CMTM4: variants seen among roughly 807,000 people sequenced by gnomAD.
The protein encoded by CMTM4 is CKLF like MARVEL transmembrane domain containing 4.
CMTM4 carries 8 observed loss-of-function variants against 19.0 expected under a neutral mutation model. The ratio of observed to expected loss-of-function variants is 0.42; its 90% CI spans 0.25 to 0.76. CMTM4 has a LOEUF of 0.76. Among genes scored for constraint, CMTM4 ranks in the 30% least tolerant of loss-of-function variants. CMTM4 has a pLI of 0.27. For missense variants in CMTM4, 228 were observed against 290.2 expected, an observed-to-expected ratio of 0.79 and a Z score of 1.56; for synonymous variants, 106 against 121.1, an observed-to-expected ratio of 0.88 and a Z score of 0.82.
intron 1 of CMTM4, among the ~76,000 whole-genome samples, chr16:66,663,253 T>C (rs1276746181): frequency 6.6e-6 from 1 of 151,846 alleles, no homozygotes; most frequent in Non-Finnish European, 1.5e-5. Flanking sequence ...ACCAGGAAAA[T>C]CTCAATTCAT....
intron 2 of CMTM4, among the ~76,000 whole-genome samples, chr16:66,630,484 G>A (rs565803197): frequency 4.0e-5 from 6 of 151,748 alleles, no homozygotes; most frequent in African/African-American, 7.3e-5. Flanking sequence ...GATTGCAGGC[G>A]CGCGCCGCCA....
At chr16:66,694,011 G>C (rs1423571474) in intron 1 of CMTM4, among the ~76,000 whole-genome samples, 2 of 151,938 alleles carry the variant, frequency 1.3e-5, no homozygotes, top group East Asian at 3.9e-4. Flanking sequence ...AACAGAGTTA[G>C]ACCCAGTGTT....
intron 1 of CMTM4, among the ~76,000 whole-genome samples, chr16:66,686,058 T>G (rs1167856457): frequency 2.0e-5 from 3 of 151,624 alleles, no homozygotes; most frequent in Non-Finnish European, 4.4e-5. Context: ...ATCAAGACCA[T>G]CCCGGCCAAC....
chr16:66,618,328 C>G lies in CMTM4; in HGVS notation c.*3730G>C. 3.0e-6 allele frequency: 3 copies of G among 985,406 alleles called. No individual in the cohort carries two copies. Among genetic ancestry groups the G allele is most frequent in the Non-Finnish European group, 3.6e-6 (3 of 829,928 alleles). 61.0% of individuals were successfully genotyped at this position (985,406 alleles called of 1,614,324 possible). ...AGAAGATGACAGTCAGGCAGTGGCA[C>G]AAAGACTTCATGACTGTTTTGTTTT... On this transcript the variant is annotated 3_prime_UTR_variant, in exon 4 of 4. Transcript: ENST00000394106.
intron 1 of CMTM4, among the ~76,000 whole-genome samples, chr16:66,666,729 A>G (rs764899406): frequency 6.6e-5 from 10 of 152,228 alleles, no homozygotes; most frequent in Non-Finnish European, 1.5e-4. Flanking sequence ...GAATGTTACA[A>G]TGGCAGTCAT....
In CMTM4 at chr16:66,659,357, AGAGT is replaced by A. The variant is rs2016460068; in HGVS notation, c.187-22780_187-22777del. ...GCCACTGCACTCCAGCCTGGGCGAC[AGAGT>A]GAGACTCTGCCTCAAAAAAAAAAAA... On this transcript the variant is annotated intron_variant, in intron 1 of 3. Coordinates refer to ENST00000394106, the MANE Select transcript of CMTM4 (RefSeq NM_181521.3). 5.3e-5 allele frequency among the ~76,000 whole-genome samples: 8 copies of A among 152,036 alleles called. No homozygotes were observed. In the South Asian group the frequency reaches 1.5e-3, roughly 28 times the overall value.
At chr16:66,680,773 CAAAAAAAAAAA>C (rs35127974) in intron 1 of CMTM4, among the ~76,000 whole-genome samples, 1 of 32,258 alleles carries the variant, frequency 3.1e-5, no homozygotes, top group Non-Finnish European at 5.6e-5. Context: ...GACTCCGTCT[CAAAAAAAAAAA>C]AAAAAAAAAA....
intron 1 of CMTM4, among the ~76,000 whole-genome samples, chr16:66,687,741 G>A (rs1318120585): frequency 4.2e-5 from 6 of 143,660 alleles, no homozygotes; most frequent in Non-Finnish European, 8.9e-5. Flanking sequence ...AGGCTGGAGT[G>A]CAGTGGCGCA....
chr16:66,612,316 A>G (rs1251902930), downstream of CMTM4, among the ~76,000 whole-genome samples: 2 of 152,152 alleles, frequency 1.3e-5, no homozygotes, highest in African/African-American at 4.8e-5. The surrounding 1 kb of genome is among the most constrained non-coding windows in gnomAD (Gnocchi z 6.0). Flanking sequence ...AGGAAGTTGC[A>G]GTGAGTCGAG....
At chr16:66,604,972 C>T in the CMTM4 span, 2 of 1,475,326 alleles carry the variant, frequency 1.4e-6, no homozygotes, top group Non-Finnish European at 1.8e-6. Flanking sequence ...GCGGGACCCT[C>T]GGCCGCCCCG....
rs1006083003 is a variant in CMTM4, at chr16:66,619,857, C to G, written c.*2201G>C. On this transcript the variant is annotated 3_prime_UTR_variant, in exon 4 of 4. Transcript: ENST00000394106. Reference sequence around the variant, plus strand: ...ATAAATAATTCTGAAGAGTCTATCACGAAGATGCAAATTAACTCCTAAGTC... The same window carrying G: ...ATAAATAATTCTGAAGAGTCTATCAGGAAGATGCAAATTAACTCCTAAGTC... 1 of 985,216 alleles carries G rather than the reference C, an allele frequency of 1.0e-6. No individual in the cohort carries two copies. 61.0% of individuals were successfully genotyped at this position (985,216 alleles called of 1,614,324 possible).
chr16:66,680,742 CCAGCCTGGGCAA>C (rs1224954871), intron 1 of CMTM4, among the ~76,000 whole-genome samples: 2 of 142,696 alleles, frequency 1.4e-5, no homozygotes, highest in East Asian at 4.2e-4. Context: ...CCACTGCACT[CCAGCCTGGGCAA>C]CAGAGCAAGA....
the CMTM4 span, chr16:66,608,478 C>A: frequency 1.9e-6 from 3 of 1,612,698 alleles, no homozygotes; most frequent in Non-Finnish European, 2.5e-6. This position sits in a 1 kb window ranked among gnomAD's most constrained non-coding sequence, Gnocchi z 5.1. Context: ...AGGACAGGGG[C>A]CCCAGGAGGG....
At chr16:66,637,982 C>T (rs1198736709) in intron 1 of CMTM4, among the ~76,000 whole-genome samples, 4 of 152,216 alleles carry the variant, frequency 2.6e-5, no homozygotes, top group African/African-American at 9.6e-5. Context: ...AAAATGCCAG[C>T]AGCATCCAAG....
chr16:66,651,749 G>A (rs774720507), intron 1 of CMTM4, among the ~76,000 whole-genome samples: 1 of 152,212 alleles, frequency 6.6e-6, no homozygotes, highest in Admixed American at 6.5e-5. Flanking sequence ...TCTAGCTGTA[G>A]TAATATCTTA....
At chr16:66,657,106 A>G (rs577550605) in intron 1 of CMTM4, among the ~76,000 whole-genome samples, 1 of 142,462 alleles carries the variant, frequency 7.0e-6, no homozygotes, top group East Asian at 2.1e-4. Context: ...TTTTTTTCAG[A>G]TGGAGTCTCG....
At chr16:66,606,017 G>C in the CMTM4 span, among the ~76,000 whole-genome samples, 1 of 151,992 alleles carries the variant, frequency 6.6e-6, no homozygotes, top group African/African-American at 2.4e-5. Flanking sequence ...CCCCAGAGTG[G>C]CTTGAACCCC....
At chr16:66,684,204 C>A (rs1053920531) in intron 1 of CMTM4, among the ~76,000 whole-genome samples, 1 of 151,866 alleles carries the variant, frequency 6.6e-6, no homozygotes, top group African/African-American at 2.4e-5. Flanking sequence ...ACAGAATCTC[C>A]CTCTGTCGCC....
At chr16:66,661,358 A>C (rs1023690880) in intron 1 of CMTM4, among the ~76,000 whole-genome samples, 3 of 152,230 alleles carry the variant, frequency 2.0e-5, no homozygotes, top group Non-Finnish European at 4.4e-5. Flanking sequence ...AAAGCAGCCA[A>C]GTGAAAACAG....
Sources: allele counts gnomAD v4.1 joint callset (sites outside exome capture counted in the v4.1 genomes callset), GRCh38; gene constraint gnomAD v4.1.1; non-coding constraint Gnocchi (gnomAD v3.1); transcripts MANE v1.5; gene names NCBI Gene and HGNC (gene_info 2026-07-23, HGNC 2026-07-21).